The following GRID2 variants were observed in gnomAD, a reference collection of about 807,000 sequenced individuals.
GRID2 encodes the protein glutamate ionotropic receptor delta type subunit 2.
A neutral mutation model predicts 114.8 loss-of-function variants in GRID2; 33 were observed. The observed-to-expected ratio is 0.29, with a 90% CI of 0.22 to 0.38. GRID2 has a LOEUF of 0.38. Ranked by LOEUF, GRID2 falls within the 10% of genes least tolerant of loss-of-function variation. The pLI is 1.00. For missense variants in GRID2, 1,184 were observed against 1,257.7 expected, an observed-to-expected ratio of 0.94 and a Z score of 0.89; for synonymous variants, 505 against 449.9, an observed-to-expected ratio of 1.12 and a Z score of -1.55.
chr4:92,548,338 C>A (rs567075490), intron 1 of GRID2, among the ~76,000 whole-genome samples: 69 of 148,796 alleles, frequency 4.6e-4, no homozygotes, highest in African/African-American at 1.6e-3. Flanking sequence ...GTTTGGTAAT[C>A]CAGGAAGCTC....
At chr4:92,464,183 C>G (rs1277640279) in intron 1 of GRID2, among the ~76,000 whole-genome samples, 1 of 151,906 alleles carries the variant, frequency 6.6e-6, no homozygotes, top group African/African-American at 2.4e-5. Flanking sequence ...TCAAGTGTGT[C>G]ACAGCAAAAA....
At chr4:92,831,388 C>T (rs868031383) in intron 2 of GRID2, among the ~76,000 whole-genome samples, 2 of 151,646 alleles carry the variant, frequency 1.3e-5, no homozygotes, top group African/African-American at 4.8e-5. Flanking sequence ...AGGTAATGTA[C>T]AACTCAACAA....
chr4:92,921,244 ATTTG>A (rs1334828498), intron 2 of GRID2, among the ~76,000 whole-genome samples: 2 of 151,894 alleles, frequency 1.3e-5, no homozygotes, highest in Admixed American at 1.3e-4. Context: ...CTAGTTAGCC[ATTTG>A]TTTAAGTTTT....
intron 2 of GRID2, among the ~76,000 whole-genome samples, chr4:92,818,310 T>G (rs1232397617): frequency 6.6e-6 from 1 of 152,170 alleles, no homozygotes; most frequent in African/African-American, 2.4e-5. Context: ...TTCTTTTTTT[T>G]GTATTCAACT....
chr4:93,728,533 G>T (rs1414590223), intron 14 of GRID2, among the ~76,000 whole-genome samples: 1 of 151,890 alleles, frequency 6.6e-6, no homozygotes, highest in African/African-American at 2.4e-5. Flanking sequence ...TCAATTCCTG[G>T]GTATCCTTGT....
chr4:92,600,279 T>A (rs1488598933), intron 2 of GRID2, among the ~76,000 whole-genome samples: 1 of 151,560 alleles, frequency 6.6e-6, no homozygotes, highest in Non-Finnish European at 1.5e-5. Flanking sequence ...TCATTCATGT[T>A]ATTAAACCTG....
At chr4:93,347,057 G>A (rs981204586) in intron 8 of GRID2, among the ~76,000 whole-genome samples, 23 of 151,918 alleles carry the variant, frequency 1.5e-4, no homozygotes, top group African/African-American at 5.1e-4. Context: ...CCACTGCGGC[G>A]CGGAGCTCCC....
chr4:93,564,530 C>T (rs1183605084), intron 13 of GRID2, among the ~76,000 whole-genome samples: 1 of 151,980 alleles, frequency 6.6e-6, no homozygotes, highest in Non-Finnish European at 1.5e-5. Flanking sequence ...ACTTTATTCT[C>T]TTAACATGTT....
At chr4:93,062,618 C>A (rs994624642) in intron 2 of GRID2, among the ~76,000 whole-genome samples, 27 of 151,984 alleles carry the variant, frequency 1.8e-4, no homozygotes, top group African/African-American at 5.8e-4. Context: ...TCTTTTCATT[C>A]ATACTCAAGA....
chr4:93,508,637 A>G (rs1013207754), intron 12 of GRID2, among the ~76,000 whole-genome samples: 1 of 152,210 alleles, frequency 6.6e-6, no homozygotes, highest in African/African-American at 2.4e-5. Context: ...ATATCCTTCT[A>G]GTGAAGAAGA....
intron 8 of GRID2, among the ~76,000 whole-genome samples, chr4:93,334,791 C>T (rs1357581500): frequency 2.0e-5 from 3 of 152,000 alleles, no homozygotes; most frequent in East Asian, 3.9e-4. Context: ...ATTAGCCGGG[C>T]GTGGTGGTGC....
Position 92,524,609 on chromosome 4 carries a change from T to C in GRID2, c.89-65522T>C, listed in dbSNP as rs138075033. ...TTGGACCTCCCCGAAAAATCCAGGGTACTTTCCCTATCTTAAAGTCAACTT... is the reference window on the plus strand; with the variant it reads ...TTGGACCTCCCCGAAAAATCCAGGGCACTTTCCCTATCTTAAAGTCAACTT... On this transcript the variant is annotated intron_variant, in intron 1 of 15. Coordinates refer to ENST00000282020, the MANE Select transcript of GRID2 (RefSeq NM_001510.4). Among the ~76,000 whole-genome samples the C allele has an allele frequency of 6.8e-3, 1,039 of 151,864 alleles. 9 individuals are homozygous for C. The highest frequency in any genetic ancestry group is 0.024 in the African/African-American group (976 of 41,420).
chr4:92,527,057 C>T (rs562367910), intron 1 of GRID2, among the ~76,000 whole-genome samples: 3 of 151,358 alleles, frequency 2.0e-5, no homozygotes, highest in Non-Finnish European at 2.9e-5. Context: ...GATGAGGATA[C>T]GTTTGACTGA....
At chr4:93,310,224 T>A (rs12649061) in intron 8 of GRID2, among the ~76,000 whole-genome samples, 16,505 of 152,124 alleles carry the variant, frequency 0.11, 2,352 homozygotes, top group African/African-American at 0.32. Flanking sequence ...GGTTTATTAA[T>A]ATTGAGAACA....
At chr4:93,144,578 G>T (rs1211815419) in intron 4 of GRID2, among the ~76,000 whole-genome samples, 1 of 152,164 alleles carries the variant, frequency 6.6e-6, no homozygotes, top group Non-Finnish European at 1.5e-5. Flanking sequence ...GAATTTTCAT[G>T]TGTAGGAATT....
At chr4:93,628,236 G>T (rs1386549618) in intron 14 of GRID2, among the ~76,000 whole-genome samples, 2 of 152,050 alleles carry the variant, frequency 1.3e-5, no homozygotes, top group East Asian at 3.9e-4. Context: ...AATCAATTAT[G>T]CCATAGGGAA....
chr4:93,431,494 T>C (rs535445688), intron 10 of GRID2, among the ~76,000 whole-genome samples: 2 of 152,204 alleles, frequency 1.3e-5, no homozygotes, highest in South Asian at 4.2e-4. Flanking sequence ...ATTTGAGATG[T>C]TGATGATAAG....
intron 1 of GRID2, among the ~76,000 whole-genome samples, chr4:92,503,658 A>C (rs1314910669): frequency 6.6e-6 from 1 of 152,168 alleles, no homozygotes; most frequent in Non-Finnish European, 1.5e-5. Context: ...TGAGTCCCAG[A>C]ACAGCATGAT....
At chr4:93,127,680 A>G (rs186024504) in intron 4 of GRID2, among the ~76,000 whole-genome samples, 127 of 152,192 alleles carry the variant, frequency 8.3e-4, no homozygotes, top group African/African-American at 2.9e-3. Flanking sequence ...GAGTAATAGC[A>G]AAACCAAGTT....
Sources: gnomAD v4.1 joint callset for allele counts (sites outside exome capture counted in the v4.1 genomes callset) on GRCh38, gnomAD v4.1.1 for gene constraint, MANE v1.5 for transcripts, NCBI Gene and HGNC (gene_info 2026-07-23, HGNC 2026-07-21) for gene names.